The following FAM227A variants were observed in gnomAD, a reference collection of about 807,000 sequenced individuals.
FAM227A encodes family with sequence similarity 227 member A.
FAM227A carries 80 observed loss-of-function variants against 74.7 expected under a neutral mutation model. That is an observed-to-expected ratio of 1.07 (90% CI 0.89 to 1.29). The LOEUF (loss-of-function observed/expected upper bound fraction) is 1.29, where lower values mean the gene tolerates loss of function less well. Ranked by LOEUF, FAM227A falls within the 50% of genes most tolerant of loss-of-function variation. The probability of loss-of-function intolerance (pLI) is 0.00; values close to 1 mark genes in which losing one functional copy is unlikely to be tolerated. For missense variants in FAM227A, 654 were observed against 683.4 expected, an observed-to-expected ratio of 0.96 and a Z score of 0.48; for synonymous variants, 237 against 241.8, an observed-to-expected ratio of 0.98 and a Z score of 0.19.
At chr22:38,634,221 C>CAAAAAAAA (rs34039010) in intron 6 of FAM227A, among the ~76,000 whole-genome samples, 1 of 62,156 alleles carries the variant, frequency 1.6e-5, no homozygotes. Context: ...GACTCTGTCT[C>CAAAAAAAA]AAAAAAAAAA....
chr22:38,613,125 ATTATATATATAATATATATAT>A, intron 11 of FAM227A, among the ~76,000 whole-genome samples: 1 of 91,794 alleles, frequency 1.1e-5, no homozygotes, highest in African/African-American at 4.7e-5. Flanking sequence ...ATTATATATA[ATTATATATATAATATATATAT>A]TATATATTAT....
At position 38,651,507 on chromosome 22, in the gene FAM227A, C is replaced by T. The variant is rs1341767738; in HGVS notation, c.-94-1245G>A. 4.6e-5 allele frequency among the ~76,000 whole-genome samples: 7 copies of T among 152,182 alleles called. No homozygotes were observed. In the South Asian group the frequency reaches 1.5e-3, roughly 32 times the overall value. ...TCCCGTGTAGCTGCGACTACAGGTA[C>T]CTGCCACCCACAACTGCCTAATTTT... is the stretch of plus-strand genomic sequence containing the variant. On this transcript the variant is annotated intron_variant, in intron 1 of 16. Coordinates refer to ENST00000535113, the MANE Select transcript of FAM227A (RefSeq NM_001013647.2).
intron 11 of FAM227A, among the ~76,000 whole-genome samples, chr22:38,619,994 C>T (rs2091653242): frequency 6.6e-6 from 1 of 152,198 alleles, no homozygotes; most frequent in South Asian, 2.1e-4. Flanking sequence ...TTCTCAATCG[C>T]TGCATTTCTG....
At chr22:38,635,249 A>AG (rs1328399219) in intron 6 of FAM227A, among the ~76,000 whole-genome samples, 2 of 142,598 alleles carry the variant, frequency 1.4e-5, no homozygotes, top group African/African-American at 5.3e-5. Context: ...AAAAAAAAAA[A>AG]GGAAGGAAGG....
chr22:38,623,076 T>C, intron 10 of FAM227A, 96 bp downstream of exon 10: 1 of 843,952 alleles, frequency 1.2e-6, no homozygotes, highest in South Asian at 1.6e-5. Context: ...GAACTTGACC[T>C]GAGGACATCA....
chr22:38,651,515 C>T (rs2092321715), intron 1 of FAM227A, among the ~76,000 whole-genome samples: 2 of 152,146 alleles, frequency 1.3e-5, no homozygotes, highest in South Asian at 2.1e-4. Flanking sequence ...TACCTGCCAC[C>T]CACAACTGCC....
chr22:38,611,717 G>A (rs773031320), intron 11 of FAM227A, among the ~76,000 whole-genome samples: 3 of 152,108 alleles, frequency 2.0e-5, no homozygotes, highest in Admixed American at 1.3e-4. Flanking sequence ...GCCTTTGCCC[G>A]TGGTTCCACT....
chr22:38,638,509 A>T (rs1414754686), intron 5 of FAM227A, among the ~76,000 whole-genome samples: 2 of 151,970 alleles, frequency 1.3e-5, no homozygotes, highest in African/African-American at 2.4e-5. Flanking sequence ...GAGCAGAGAC[A>T]CCTTCTAAGT....
At chr22:38,605,446 C>T in intron 12 of FAM227A, 98 bp from the exon 13 acceptor site, 1 of 690,770 alleles carries the variant, frequency 1.4e-6, no homozygotes, top group Non-Finnish European at 2.5e-6. Flanking sequence ...TGTGCCACCG[C>T]ACCCAGTTAA....
chr22:38,644,202 AAG>A (rs1380288013), intron 3 of FAM227A, among the ~76,000 whole-genome samples: 1 of 152,008 alleles, frequency 6.6e-6, no homozygotes. Context: ...TACTAAGTGA[AAG>A]AAGCCAACGT....
At chr22:38,620,760 G>A (rs2091671999) in intron 10 of FAM227A, among the ~76,000 whole-genome samples, 1 of 151,518 alleles carries the variant, frequency 6.6e-6, no homozygotes, top group South Asian at 2.1e-4. Flanking sequence ...AGTGAGCCGA[G>A]ATTGCGTCAC....
intron 5 of FAM227A, among the ~76,000 whole-genome samples, chr22:38,638,176 AAG>A (rs1222815477): frequency 1.3e-5 from 2 of 152,192 alleles, no homozygotes; most frequent in Non-Finnish European, 2.9e-5. Flanking sequence ...AAAAGAAAAA[AAG>A]AAATAAAGAA....
chr22:38,623,361 G>A (rs2091732503), intron 9 of FAM227A, 82 bp from the exon 10 acceptor site: 4 of 896,456 alleles, frequency 4.5e-6, no homozygotes, highest in South Asian at 3.0e-5. Flanking sequence ...AAGCCAAGGT[G>A]GGAGGATTGC....
chr22:38,623,150 G>T, intron 10 of FAM227A, 22 bp downstream of exon 10: 1 of 1,495,274 alleles, frequency 6.7e-7, no homozygotes, highest in Non-Finnish European at 9.1e-7. Context: ...AAGAAGGCGG[G>T]AGGCTGTACC....
At chr22:38,609,422 A>G (rs956224083) in intron 11 of FAM227A, among the ~76,000 whole-genome samples, 1 of 152,164 alleles carries the variant, frequency 6.6e-6, no homozygotes, top group Non-Finnish European at 1.5e-5. Context: ...GTATGAGGAG[A>G]GTATCATGGG....
rs2092214872 is a variant in FAM227A, at chr22:38,645,386, T to C, written c.225+177A>G. The stretch of plus-strand genomic sequence containing the variant: ...AGCCTAGCAACAAAGCGAGACTCCA[T>C]CTCAAAAAAAAATAAAAAATGTTTA... On this transcript the variant is annotated intron_variant, in intron 3 of 16. Transcript: ENST00000535113. 6.6e-6 allele frequency among the ~76,000 whole-genome samples: 1 copy of C among 151,892 alleles called. No homozygotes were observed. Among genetic ancestry groups the C allele is most frequent in the African/African-American group, 2.4e-5 (1 of 41,364 alleles).
At chr22:38,626,056 T>G (rs901627653) in intron 9 of FAM227A, 124 bp downstream of exon 9, 2 of 1,002,658 alleles carry the variant, frequency 2.0e-6, no homozygotes, top group African/African-American at 3.3e-5. Context: ...TCTTTAATGT[T>G]AAGGAGAGAA....
chr22:38,623,248 G>C lies in FAM227A; in HGVS notation c.882C>G (p.Ser294Arg). Residue 294 changes from serine to arginine, a missense_variant, in exon 10 of 17, where the codon AGC (serine) becomes AGG (arginine). Physicochemically the swap from Ser to Arg is moderately radical, Grantham distance 110. Coordinates refer to ENST00000535113, the MANE Select transcript of FAM227A (RefSeq NM_001013647.2). ...CTGGGTCTAGTTCCGAGTAGTCCCA[G>C]CTGTCATAGCTCTGTGGGCTAGGAT... ...GTYPSPQSYDSWDYSELDPER... is the reference protein window; with the variant it reads ...GTYPSPQSYDRWDYSELDPER... The C allele has an allele frequency of 1.3e-6, 2 of 1,551,564 alleles. No individual in the cohort carries two copies. Among genetic ancestry groups the C allele is most frequent in the South Asian group, 2.4e-5 (2 of 84,060 alleles).
At chr22:38,613,090 A>AAT (rs1569206490) in intron 11 of FAM227A, among the ~76,000 whole-genome samples, 90 of 96,380 alleles carry the variant, frequency 9.3e-4, no homozygotes, top group African/African-American at 3.8e-3. Context: ...AATTATATAT[A>AAT]TATATTATAT....
Sources: allele counts gnomAD v4.1 joint callset (sites outside exome capture counted in the v4.1 genomes callset), GRCh38; gene constraint gnomAD v4.1.1; transcripts MANE v1.5; gene names NCBI Gene and HGNC (gene_info 2026-07-23, HGNC 2026-07-21).